TTC13: variants seen among roughly 807,000 people sequenced by gnomAD.
TTC13 encodes tetratricopeptide repeat domain 13, also known as tetratricopeptide repeat protein 13.
TTC13 carries 62 observed loss-of-function variants against 120.0 expected under a neutral mutation model. The observed-to-expected ratio is 0.52, with a 90% CI of 0.42 to 0.64. The LOEUF (loss-of-function observed/expected upper bound fraction) is 0.64, where lower values mean the gene tolerates loss of function less well. Ranked by LOEUF, TTC13 falls within the 30% of genes least tolerant of loss-of-function variation. The pLI is 0.00. For synonymous variants in TTC13, 384 were observed against 393.5 expected, an observed-to-expected ratio of 0.98 and a Z score of 0.28; for missense variants, 824 against 1,050.2, an observed-to-expected ratio of 0.78 and a Z score of 2.98.
chr1:230,920,455 T>A, intron 17 of TTC13, 55 bp downstream of exon 17: 1 of 1,230,162 alleles, frequency 8.1e-7, no homozygotes, highest in Non-Finnish European at 1.2e-6. Context: ...AAAAAAGTGC[T>A]GTTGGTTTTC....
chr1:230,976,587 A>G (rs1572321302), intron 1 of TTC13, among the ~76,000 whole-genome samples: 2 of 152,220 alleles, frequency 1.3e-5, no homozygotes, highest in South Asian at 4.1e-4. Flanking sequence ...ACCTGTTGGT[A>G]GCTACTCACA....
chr1:230,954,250 A>G, intron 4 of TTC13, 83 bp downstream of exon 4: 7 of 940,518 alleles, frequency 7.4e-6, no homozygotes, highest in Non-Finnish European at 1.0e-5. Flanking sequence ...AACATGTCGT[A>G]TTACAGCACT....
intron 4 of TTC13, among the ~76,000 whole-genome samples, chr1:230,953,589 GT>G (rs1274390811): frequency 6.6e-6 from 1 of 152,092 alleles, no homozygotes; most frequent in Non-Finnish European, 1.5e-5. Flanking sequence ...AAATAACTTG[GT>G]AGCAAGAAGC....
At chr1:230,947,535 C>T (rs6664927) in intron 4 of TTC13, among the ~76,000 whole-genome samples, 5,475 of 151,726 alleles carry the variant, frequency 0.036, 329 homozygotes, top group African/African-American at 0.12. Flanking sequence ...CATAAAATAC[C>T]GTAACACTAA....
intron 4 of TTC13, among the ~76,000 whole-genome samples, chr1:230,952,815 TG>T (rs1348364021): frequency 6.6e-6 from 1 of 152,130 alleles, no homozygotes; most frequent in Non-Finnish European, 1.5e-5. Flanking sequence ...ATGCATACTT[TG>T]AAAAGGCATA....
intron 3 of TTC13, among the ~76,000 whole-genome samples, chr1:230,955,417 A>G (rs528535185): frequency 6.6e-6 from 1 of 151,544 alleles, no homozygotes; most frequent in Non-Finnish European, 1.5e-5. Flanking sequence ...TAATCCCAGC[A>G]CTTTGGGAGG....
Position 230,978,799 on chromosome 1 carries a change from C to CAGA in TTC13, c.31_32insTCT (p.Cys10_Cys11insPhe). 6.8e-7 allele frequency: 1 copy of CAGA among 1,473,932 alleles called. No homozygotes were observed. Among genetic ancestry groups the CAGA allele is most frequent in the African/African-American group, 1.5e-5 (1 of 68,068 alleles). The allele number at this position is 1,473,932 out of a possible 1,614,324, so 91.3% of individuals were successfully genotyped here. On this transcript the variant is annotated inframe_insertion, in exon 1 of 23. Coordinates refer to ENST00000366661, the MANE Select transcript of TTC13 (RefSeq NM_024525.5). This position sits in a 1 kb window ranked among gnomAD's most constrained non-coding sequence, Gnocchi z 5.6. ...GGCGGCCACAGCGCCGCCCCAGAAG[C>CAGA]AGCAGCAGCAGCAGCAGCCGGCAGG... is the stretch of plus-strand genomic sequence containing the variant.
intron 18 of TTC13, among the ~76,000 whole-genome samples, chr1:230,915,357 T>TGC (rs1491587666): frequency 4.9e-5 from 1 of 20,452 alleles, no homozygotes; most frequent in Non-Finnish European, 1.5e-4. Context: ...TGTGTGTGTA[T>TGC]GTGTGTGTGT....
intron 4 of TTC13, among the ~76,000 whole-genome samples, chr1:230,946,334 G>A (rs1674995198): frequency 6.6e-6 from 1 of 152,222 alleles, no homozygotes; most frequent in South Asian, 2.1e-4. Flanking sequence ...AAACTTGATA[G>A]ATTAATCTAC....
chr1:230,931,002 CA>C (rs1242715577), intron 11 of TTC13, among the ~76,000 whole-genome samples: 1 of 152,192 alleles, frequency 6.6e-6, no homozygotes, highest in Non-Finnish European at 1.5e-5. Flanking sequence ...TGATGAGACA[CA>C]AATATTCCAG....
At chr1:230,918,045 T>C (rs1278269081) in intron 17 of TTC13, among the ~76,000 whole-genome samples, 3 of 152,220 alleles carry the variant, frequency 2.0e-5, no homozygotes, top group Admixed American at 1.3e-4. Context: ...TACAGGGGAT[T>C]GTCACACATA....
chr1:230,934,887 G>T (rs1418659527), intron 8 of TTC13, among the ~76,000 whole-genome samples: 1 of 152,200 alleles, frequency 6.6e-6, no homozygotes, highest in African/African-American at 2.4e-5. Flanking sequence ...AATATTTAAT[G>T]ATTTGGTAAG....
At chr1:230,913,336 GAGGA>G (rs1671695177) in intron 18 of TTC13, among the ~76,000 whole-genome samples, 1 of 152,204 alleles carries the variant, frequency 6.6e-6, no homozygotes, top group Non-Finnish European at 1.5e-5. Flanking sequence ...TGCCTTGATT[GAGGA>G]AGGAAGGAAG....
chr1:230,956,359 G>A (rs956439278), intron 3 of TTC13: 1 of 208,900 alleles, frequency 4.8e-6, no homozygotes, highest in Non-Finnish European at 9.9e-6. Flanking sequence ...TTTGAATGCA[G>A]GAAGATGACG....
chr1:230,907,454 C>A (rs147840939), intron 22 of TTC13, among the ~76,000 whole-genome samples: 139 of 152,330 alleles, frequency 9.1e-4, no homozygotes, highest in African/African-American at 3.2e-3. Flanking sequence ...TTTCAAGGTA[C>A]GCTGTAAAGC....
At chr1:230,943,271 T>C (rs1674677134) in intron 6 of TTC13, among the ~76,000 whole-genome samples, 1 of 152,192 alleles carries the variant, frequency 6.6e-6, no homozygotes, top group South Asian at 2.1e-4. Context: ...TATTATACTT[T>C]AAGTTTTAGG....
intron 20 of TTC13, 24 bp downstream of exon 20, chr1:230,911,446 T>C: frequency 6.6e-7 from 1 of 1,505,652 alleles, no homozygotes; most frequent in Non-Finnish European, 9.1e-7. Context: ...TTTAAAATAA[T>C]TTTAATGACA....
At chr1:230,924,006 C>A in intron 14 of TTC13, 73 bp from the exon 15 acceptor site, 1 of 1,196,516 alleles carries the variant, frequency 8.4e-7, no homozygotes, top group South Asian at 1.4e-5. Flanking sequence ...GAAGTGTTTG[C>A]AAAGGTGGGG....
At chr1:230,912,304 C>T (rs1671587455) in intron 19 of TTC13, among the ~76,000 whole-genome samples, 1 of 152,044 alleles carries the variant, frequency 6.6e-6, no homozygotes, top group African/African-American at 2.4e-5. Flanking sequence ...AAGCAACAAC[C>T]GCAACGAAGG....
Sources: allele counts gnomAD v4.1 joint callset (sites outside exome capture counted in the v4.1 genomes callset), GRCh38; gene constraint gnomAD v4.1.1; non-coding constraint Gnocchi (gnomAD v3.1); transcripts MANE v1.5; gene names NCBI Gene and HGNC (gene_info 2026-07-23, HGNC 2026-07-21).